Variants in AMTN observed in about 807,000 individuals in gnomAD.
The protein encoded by AMTN is amelotin.
AMTN carries 29 observed loss-of-function variants against 27.4 expected under a neutral mutation model. That is an observed-to-expected ratio of 1.06 (90% CI 0.79 to 1.44). The LOEUF (loss-of-function observed/expected upper bound fraction) is 1.44. Among genes scored for constraint, AMTN ranks in the 40% most tolerant of loss-of-function variants. AMTN has a pLI of 0.00. For missense variants in AMTN, 247 were observed against 248.8 expected, an observed-to-expected ratio of 0.99 and a Z score of 0.05; for synonymous variants, 86 against 95.7, an observed-to-expected ratio of 0.90 and a Z score of 0.59.
chr4:70,524,418 T>C (rs1441035322), intron 4 of AMTN, among the ~76,000 whole-genome samples: 1 of 152,206 alleles, frequency 6.6e-6, no homozygotes, highest in African/African-American at 2.4e-5. Flanking sequence ...TGAGTTAAAG[T>C]GGATTTTTTT....
intron 2 of AMTN, 94 bp from the exon 3 acceptor site, chr4:70,522,661 G>A (rs1736001793): frequency 8.9e-7 from 1 of 1,128,744 alleles, no homozygotes. Context: ...CTAAAAGATA[G>A]ACATGTTTGC....
chr4:70,522,093 T>G (rs183013294), intron 2 of AMTN, among the ~76,000 whole-genome samples: 148 of 151,460 alleles, frequency 9.8e-4, no homozygotes, highest in African/African-American at 3.3e-3. Flanking sequence ...AAAAGAGAAG[T>G]TTTTTTTTCG....
chr4:70,518,687 T>A (rs2109766894), intron 1 of AMTN, 33 bp downstream of exon 1: 1 of 1,047,830 alleles, frequency 9.5e-7, no homozygotes, highest in South Asian at 1.3e-5. Context: ...CAAGTAGAAC[T>A]TTTGTTTTTA....
chr4:70,519,157 G>C (rs1385936491), intron 2 of AMTN, among the ~76,000 whole-genome samples: 1 of 151,968 alleles, frequency 6.6e-6, no homozygotes, highest in Admixed American at 6.6e-5. Context: ...GTTTTTTCTT[G>C]GCAACTAGTT....
At chr4:70,526,564 A>C (rs1169796725) in intron 5 of AMTN, among the ~76,000 whole-genome samples, 2 of 152,184 alleles carry the variant, frequency 1.3e-5, no homozygotes, top group African/African-American at 2.4e-5. Flanking sequence ...AATAAAAGTG[A>C]ACCTCTGTAA....
chr4:70,524,046 A>C, intron 4 of AMTN, 113 bp downstream of exon 4: 2 of 784,150 alleles, frequency 2.6e-6, no homozygotes, highest in Non-Finnish European at 4.1e-6. Context: ...GAAAACACAC[A>C]TATACTTATT....
intron 2 of AMTN, among the ~76,000 whole-genome samples, chr4:70,521,003 G>A (rs1735943023): frequency 6.6e-6 from 1 of 152,148 alleles, no homozygotes. Context: ...GAGGGGAAAT[G>A]AGGTAGGAAA....
In AMTN at chr4:70,532,511, C is replaced by A. The variant is rs371996392; in HGVS notation, c.*46C>A. 2 of 1,564,102 alleles carry A rather than the reference C, an allele frequency of 1.3e-6. No homozygotes were observed. The highest frequency in any genetic ancestry group is 1.8e-6 in the Non-Finnish European group (2 of 1,138,858). The stretch of plus-strand genomic sequence containing the variant: ...CTAAGCTGCCTCGAATTTGGTGATA[C>A]ATGTGAATCTTTATCATTGATTATA... On this transcript the variant is annotated 3_prime_UTR_variant, in exon 9 of 9. Transcript: ENST00000339336.
At chr4:70,526,987 G>A (rs752421990) in intron 5 of AMTN, among the ~76,000 whole-genome samples, 29 of 152,150 alleles carry the variant, frequency 1.9e-4, no homozygotes, top group Admixed American at 5.2e-4. Context: ...CTGGTGGCTC[G>A]CATTTATCAA....
chr4:70,524,041 C>T, intron 4 of AMTN, 108 bp downstream of exon 4: 3 of 813,346 alleles, frequency 3.7e-6, no homozygotes, highest in Non-Finnish European at 5.9e-6. Context: ...CAAATGAAAA[C>T]ACACATATAC....
chr4:70,518,594 A>G lies in AMTN; in HGVS notation c.-76A>G, dbSNP rs927863238. 10 of 565,522 alleles carry G rather than the reference A, an allele frequency of 1.8e-5. No individual in the cohort carries two copies. The highest frequency in any genetic ancestry group is 3.1e-5 in the Non-Finnish European group (10 of 319,706). The allele number at this position is 565,522 out of a possible 1,614,324, so 35.0% of individuals were successfully genotyped here. On this transcript the variant is annotated 5_prime_UTR_variant, in exon 1 of 9. Coordinates refer to ENST00000339336, the MANE Select transcript of AMTN (RefSeq NM_212557.4). The stretch of plus-strand genomic sequence containing the variant: ...ATTGAAGGGTAAAATTTTTCACCAG[A>G]GTAAACTTGAGAAACCAACTGGACC...
chr4:70,519,509 G>A (rs1043187948), intron 2 of AMTN, among the ~76,000 whole-genome samples: 9 of 118,056 alleles, frequency 7.6e-5, no homozygotes, highest in Middle Eastern at 4.1e-3. Context: ...TGAAATAACA[G>A]AATAAAAGAA....
intron 2 of AMTN, among the ~76,000 whole-genome samples, chr4:70,519,326 C>T (rs1735896754): frequency 6.6e-6 from 1 of 152,022 alleles, no homozygotes; most frequent in African/African-American, 2.4e-5. Flanking sequence ...AACATTAAAT[C>T]ATAAATAGTA....
intron 8 of AMTN, 108 bp from the exon 9 acceptor site, chr4:70,532,347 G>A (rs3852099): frequency 0.4 from 329,734 of 816,036 alleles, 70,758 homozygotes; most frequent in Admixed American, 0.46. Context: ...ACTAAAGAAT[G>A]ATATGGATGC....
intron 6 of AMTN, 74 bp from the exon 7 acceptor site, chr4:70,529,109 AG>A (rs1410442925): frequency 3.2e-6 from 4 of 1,260,520 alleles, no homozygotes; most frequent in Non-Finnish European, 4.3e-6. Flanking sequence ...TTAAGTTTTA[AG>A]TGATATTATA....
chr4:70,519,341 C>T (rs577591317), intron 2 of AMTN, among the ~76,000 whole-genome samples: 89 of 152,136 alleles, frequency 5.9e-4, no homozygotes, highest in Middle Eastern at 3.4e-3. Context: ...ATAGTATTCA[C>T]ATATAACAGG....
In AMTN at chr4:70,524,978, G is replaced by T; in HGVS notation, c.294+17G>T. On this transcript the variant is annotated intron_variant, in intron 5 of 8. Coordinates refer to ENST00000339336, the MANE Select transcript of AMTN (RefSeq NM_212557.4). ...CACCCACATGTAAGTTGAACAGCTG[G>T]ACCTTAGTTTTAACATTAGAGAGCA... The T allele has an allele frequency of 6.2e-7, 1 of 1,609,156 alleles. No individual in the cohort carries two copies.
intron 7 of AMTN, among the ~76,000 whole-genome samples, chr4:70,530,651 C>T (rs1042070532): frequency 1.1e-4 from 16 of 152,138 alleles, no homozygotes; most frequent in African/African-American, 3.9e-4. Flanking sequence ...ATGTTTCTAA[C>T]TAAGTATTCC....
chr4:70,530,912 G>A, intron 7 of AMTN, 127 bp from the exon 8 acceptor site: 1 of 1,297,562 alleles, frequency 7.7e-7, no homozygotes, highest in East Asian at 2.5e-5. Flanking sequence ...GGAATGCCAG[G>A]TCTTTGCTGT....
Sources: gnomAD v4.1 joint callset for allele counts (sites outside exome capture counted in the v4.1 genomes callset) on GRCh38, gnomAD v4.1.1 for gene constraint, MANE v1.5 for transcripts, NCBI Gene and HGNC (gene_info 2026-07-23, HGNC 2026-07-21) for gene names.